DNAJC11: variants seen among roughly 807,000 people sequenced by gnomAD.
DNAJC11 encodes dnaJ homolog subfamily C member 11.
DNAJC11 carries 15 observed loss-of-function variants against 78.6 expected under a neutral mutation model. The observed-to-expected ratio is 0.19, with a 90% CI of 0.13 to 0.29. The LOEUF is 0.29. Among genes scored for constraint, DNAJC11 ranks in the 10% least tolerant of loss-of-function variants. The pLI, the probability that DNAJC11 is intolerant of heterozygous loss-of-function variation, is 1.00. For missense variants in DNAJC11, 547 were observed against 709.6 expected (o/e 0.77, Z 2.60); for synonymous variants, 292 against 272.1 (o/e 1.07, Z -0.72).
At chr1:6,687,889 G>C (rs533534740) in intron 1 of DNAJC11, among the ~76,000 whole-genome samples, 2 of 152,288 alleles carry the variant, frequency 1.3e-5, no homozygotes, top group Admixed American at 6.5e-5. Context: ...CAGGAACAAT[G>C]CAAGTAGAAC....
In DNAJC11 at chr1:6,680,797, T is replaced by C. The variant is rs1570305429; in HGVS notation, c.202+111A>G. 1 of 1,330,336 alleles carries C rather than the reference T, an allele frequency of 7.5e-7. No homozygotes were observed. The highest frequency in any genetic ancestry group is 1.0e-6 in the Non-Finnish European group (1 of 975,482). The allele number at this position is 1,330,336 out of a possible 1,614,324, so 82.4% of individuals were successfully genotyped here. ...AGTGAAAAGTACTAAACTAACCACCTGTTTTATATACCTCTAAGGACTCTC... is the reference window on the plus strand; with the variant it reads ...AGTGAAAAGTACTAAACTAACCACCCGTTTTATATACCTCTAAGGACTCTC... On this transcript the variant is annotated intron_variant, in intron 2 of 15. Transcript: ENST00000377577. The surrounding 1 kb of genome is among the most constrained non-coding windows in gnomAD (Gnocchi z 4.0).
At chr1:6,671,274 G>A (rs1381775270) in intron 3 of DNAJC11, among the ~76,000 whole-genome samples, 1 of 152,148 alleles carries the variant, frequency 6.6e-6, no homozygotes, top group African/African-American at 2.4e-5. Context: ...ACAGAGTCTC[G>A]CTCTGTTGCC....
intron 4 of DNAJC11, among the ~76,000 whole-genome samples, chr1:6,656,129 T>C (rs1435812184): frequency 1.5e-5 from 2 of 131,060 alleles, no homozygotes; most frequent in Non-Finnish European, 3.3e-5. Flanking sequence ...AAAATTACAA[T>C]CACTGAAAAT....
chr1:6,656,620 T>A (rs937122821), intron 4 of DNAJC11, among the ~76,000 whole-genome samples: 2 of 151,812 alleles, frequency 1.3e-5, no homozygotes, highest in African/African-American at 4.8e-5. Flanking sequence ...GGCTCACTCC[T>A]GCAATCCCAG....
At chr1:6,646,017 C>T in intron 7 of DNAJC11, 39 bp from the exon 8 acceptor site, 2 of 1,600,994 alleles carry the variant, frequency 1.2e-6, no homozygotes, top group South Asian at 2.2e-5. Flanking sequence ...CTGGATAGCA[C>T]CTGCTCTCAG....
intron 3 of DNAJC11, among the ~76,000 whole-genome samples, chr1:6,670,029 C>A (rs1467442222): frequency 2.0e-5 from 3 of 151,654 alleles, no homozygotes; most frequent in Non-Finnish European, 4.4e-5. Flanking sequence ...TCTCAGCTCA[C>A]TGCAAGCTCC....
chr1:6,644,757 C>A, intron 9 of DNAJC11, 83 bp from the exon 10 acceptor site: 1 of 1,181,470 alleles, frequency 8.5e-7, no homozygotes, highest in Non-Finnish European at 1.3e-6. Context: ...AGGCCAGGTA[C>A]CTTCCCTTCC....
intron 7 of DNAJC11, among the ~76,000 whole-genome samples, chr1:6,647,808 C>T (rs1241329731): frequency 2.0e-5 from 3 of 151,994 alleles, no homozygotes; most frequent in East Asian, 1.9e-4. Flanking sequence ...AGCAAGACTC[C>T]GTCTCAAACA....
intron 1 of DNAJC11, among the ~76,000 whole-genome samples, chr1:6,682,914 GA>G (rs1230763472): frequency 4.0e-5 from 6 of 151,780 alleles, no homozygotes; most frequent in African/African-American, 7.3e-5. Context: ...GACAGAGGGG[GA>G]AAAAAAACTA....
intron 4 of DNAJC11, among the ~76,000 whole-genome samples, chr1:6,659,344 C>T (rs187953514): frequency 1.3e-5 from 2 of 152,334 alleles, no homozygotes; most frequent in East Asian, 3.9e-4. Flanking sequence ...CCATTTTGGC[C>T]TCTGCGTTGG....
chr1:6,693,788 C>G (rs376640337), intron 1 of DNAJC11, among the ~76,000 whole-genome samples: 2 of 152,080 alleles, frequency 1.3e-5, no homozygotes, highest in African/African-American at 4.8e-5. Context: ...TCACTGCAGC[C>G]CCAAACTTCT....
intron 3 of DNAJC11, 178 bp from the exon 4 acceptor site, chr1:6,667,988 G>A (rs2148741182): frequency 3.2e-6 from 2 of 619,012 alleles, no homozygotes; most frequent in East Asian, 2.8e-5. Context: ...AGGCCTGGGT[G>A]AGGGAGAGCT....
chr1:6,667,034 G>C, intron 4 of DNAJC11, among the ~76,000 whole-genome samples: 1 of 152,182 alleles, frequency 6.6e-6, no homozygotes, highest in East Asian at 1.9e-4. Flanking sequence ...CACACGTGCA[G>C]AACAACCTCC....
rs1008594716 is a variant in DNAJC11, at chr1:6,687,501, T to C, written c.73-6464A>G. Among the ~76,000 whole-genome samples, 8 of 152,028 alleles carry C rather than the reference T, an allele frequency of 5.3e-5. 1 individual carries two copies. The Middle Eastern group carries it at 0.017, about 325-fold the overall frequency. On this transcript the variant is annotated intron_variant, in intron 1 of 15. Coordinates refer to ENST00000377577, the MANE Select transcript of DNAJC11 (RefSeq NM_018198.4). Reference sequence around the variant, plus strand: ...CCTCTTGAGTAGTTGGGACTACAGGTGCCCGCCACCATGCCCGGCTAAATT... The same window carrying C: ...CCTCTTGAGTAGTTGGGACTACAGGCGCCCGCCACCATGCCCGGCTAAATT...
At chr1:6,663,744 G>A (rs1043509776) in intron 4 of DNAJC11, among the ~76,000 whole-genome samples, 1 of 152,266 alleles carries the variant, frequency 6.6e-6, no homozygotes, top group South Asian at 2.1e-4. Flanking sequence ...CCCAAGGGTG[G>A]CTTTTTCCAG....
Position 6,653,717 on chromosome 1 carries a change from G to C in DNAJC11, c.507+194C>G, listed in dbSNP as rs1279340389. 1 of 646,698 alleles carries C rather than the reference G, an allele frequency of 1.5e-6. No individual in the cohort carries two copies. Among genetic ancestry groups the C allele is most frequent in the African/African-American group, 1.9e-5 (1 of 53,408 alleles). The allele number at this position is 646,698 out of a possible 1,614,324, so 40.1% of individuals were successfully genotyped here. On this transcript the variant is annotated intron_variant, in intron 5 of 15. Transcript: ENST00000377577. The surrounding 1 kb of genome is among the most constrained non-coding windows in gnomAD (Gnocchi z 4.5). ...GCCAAGTGCCCCAGCCCACACTCCTGCTGGCTCACATGCCAGCACAGCGGT... is the reference window on the plus strand; with the variant it reads ...GCCAAGTGCCCCAGCCCACACTCCTCCTGGCTCACATGCCAGCACAGCGGT...
intron 3 of DNAJC11, among the ~76,000 whole-genome samples, chr1:6,676,163 C>T (rs1353390075): frequency 1.3e-5 from 2 of 152,144 alleles, no homozygotes; most frequent in Non-Finnish European, 2.9e-5. Context: ...CCACTGGAGC[C>T]AGGAGGACAT....
intron 10 of DNAJC11, among the ~76,000 whole-genome samples, chr1:6,643,468 G>A (rs867084591): frequency 2.0e-5 from 3 of 151,906 alleles, no homozygotes; most frequent in Non-Finnish European, 2.9e-5. Context: ...GTAGAGACGG[G>A]GTTTCACCGT....
At chr1:6,662,925 G>A (rs549381010) in intron 4 of DNAJC11, among the ~76,000 whole-genome samples, 4 of 152,150 alleles carry the variant, frequency 2.6e-5, no homozygotes, top group African/African-American at 9.6e-5. Flanking sequence ...CTCTGGGTCC[G>A]CACCACCTTT....
Sources: gnomAD v4.1 joint callset for allele counts (sites outside exome capture counted in the v4.1 genomes callset) on GRCh38, gnomAD v4.1.1 for gene constraint, Gnocchi (gnomAD v3.1) non-coding constraint, MANE v1.5 for transcripts, NCBI Gene and HGNC (gene_info 2026-07-23, HGNC 2026-07-21) for gene names.